The following LRMDA variants were observed in gnomAD, a reference collection of about 807,000 sequenced individuals.
LRMDA encodes leucine-rich melanocyte differentiation-associated protein.
Under a neutral mutation model 29.8 loss-of-function variants are expected in LRMDA, and 18 were observed. That is an observed-to-expected ratio of 0.60 (90% CI 0.42 to 0.90). LRMDA has a LOEUF of 0.90. LRMDA is among the 40% of genes least tolerant of loss of function. The pLI is 0.00. For missense variants in LRMDA, 273 were observed against 273.9 expected, an observed-to-expected ratio of 1.00 and a Z score of 0.02; for synonymous variants, 125 against 109.4, an observed-to-expected ratio of 1.14 and a Z score of -0.89.
At chr10:75,706,733 T>A (rs1842374016) in intron 2 of LRMDA, among the ~76,000 whole-genome samples, 1 of 70,364 alleles carries the variant, frequency 1.4e-5, no homozygotes, top group Non-Finnish European at 2.7e-5. Context: ...TTGGTACCAC[T>A]TTTTTTTTTT....
chr10:75,792,979 G>A (rs1385901396), intron 2 of LRMDA, among the ~76,000 whole-genome samples: 1 of 152,172 alleles, frequency 6.6e-6, no homozygotes, highest in Non-Finnish European at 1.5e-5. Context: ...TGGGTCTGGT[G>A]CAATAGCAAG....
At position 75,516,762 on chromosome 10, in the gene LRMDA, C is replaced by T. The variant is rs528969266; in HGVS notation, c.131+78268C>T. 1.0e-3 allele frequency among the ~76,000 whole-genome samples: 155 copies of T among 152,048 alleles called. 1 individual carries two copies. The South Asian group carries it at 0.026, about 25-fold the overall frequency. ...ACTATTGCTTTTGGTGTTTTAGTCACGAAGTCCTTGCCCATGCCTATGTCC... is the reference window on the plus strand; with the variant it reads ...ACTATTGCTTTTGGTGTTTTAGTCATGAAGTCCTTGCCCATGCCTATGTCC... On this transcript the variant is annotated intron_variant, in intron 2 of 6. Coordinates refer to ENST00000611255, the MANE Select transcript of LRMDA (RefSeq NM_001305581.2).
intron 5 of LRMDA, among the ~76,000 whole-genome samples, chr10:76,247,916 T>G (rs1852404893): frequency 6.6e-6 from 1 of 152,116 alleles, no homozygotes; most frequent in Non-Finnish European, 1.5e-5. Context: ...GGACCAACAG[T>G]GAAGGTACCT....
intron 2 of LRMDA, among the ~76,000 whole-genome samples, chr10:75,963,012 T>C (rs1357414250): frequency 1.3e-5 from 2 of 152,214 alleles, no homozygotes; most frequent in African/African-American, 4.8e-5. Context: ...GGGAATTAAT[T>C]CATTAGAGCC....
chr10:75,739,539 T>A (rs1842805096), intron 2 of LRMDA, among the ~76,000 whole-genome samples: 1 of 152,226 alleles, frequency 6.6e-6, no homozygotes, highest in Non-Finnish European at 1.5e-5. Flanking sequence ...ACAGCTGTTC[T>A]TGTTGGTCAG....
intron 2 of LRMDA, among the ~76,000 whole-genome samples, chr10:75,778,557 G>T (rs118147286): frequency 0.017 from 2,568 of 152,264 alleles, 36 homozygotes; most frequent in Middle Eastern, 0.034. Context: ...CAATGAGGAT[G>T]GGGGAGGCAC....
At chr10:76,495,005 T>A (rs903887199) in intron 6 of LRMDA, among the ~76,000 whole-genome samples, 1 of 151,882 alleles carries the variant, frequency 6.6e-6, no homozygotes, top group African/African-American at 2.4e-5. Context: ...TTTAAAAAAA[T>A]TTTCCTGAGC....
intron 6 of LRMDA, among the ~76,000 whole-genome samples, chr10:76,395,947 T>TTTTATTTTA (rs1841778620): frequency 6.6e-6 from 1 of 152,252 alleles, no homozygotes; most frequent in African/African-American, 2.4e-5. Context: ...TTTTGCTTTA[T>TTTTATTTTA]TTTATTTTAT....
intron 5 of LRMDA, among the ~76,000 whole-genome samples, chr10:76,143,499 A>C (rs1286135414): frequency 6.6e-6 from 1 of 152,018 alleles, no homozygotes; most frequent in Non-Finnish European, 1.5e-5. Context: ...TCTTTTGAGA[A>C]GTGTCTGTTC....
intron 1 of LRMDA, among the ~76,000 whole-genome samples, chr10:75,432,374 AG>A (rs549312269): frequency 7.6e-4 from 116 of 152,314 alleles, no homozygotes; most frequent in Admixed American, 2.6e-3. Flanking sequence ...TTTCTTGAAC[AG>A]GAGTCTGTGA....
chr10:76,111,000 A>C (rs1172246089), intron 5 of LRMDA, among the ~76,000 whole-genome samples: 1 of 151,782 alleles, frequency 6.6e-6, no homozygotes, highest in Non-Finnish European at 1.5e-5. Context: ...CTGAAGTGTC[A>C]TTCTCCATCC....
intron 6 of LRMDA, among the ~76,000 whole-genome samples, chr10:76,337,986 T>C (rs1840990029): frequency 6.6e-6 from 1 of 151,918 alleles, no homozygotes; most frequent in African/African-American, 2.4e-5. Context: ...CCTGATAGAT[T>C]ATTTTAACAC....
intron 2 of LRMDA, among the ~76,000 whole-genome samples, chr10:75,595,519 T>C (rs185546682): frequency 1.3e-5 from 2 of 150,376 alleles, no homozygotes; most frequent in African/African-American, 4.9e-5. Flanking sequence ...TGTATGTTTA[T>C]ATATTAGTAT....
At chr10:76,180,931 G>C (rs1290725209) in intron 5 of LRMDA, among the ~76,000 whole-genome samples, 1 of 152,138 alleles carries the variant, frequency 6.6e-6, no homozygotes, top group Non-Finnish European at 1.5e-5. Context: ...CAGTATATCA[G>C]GACACAAGGA....
chr10:75,479,248 CT>C (rs1167798819), intron 2 of LRMDA, among the ~76,000 whole-genome samples: 2 of 152,168 alleles, frequency 1.3e-5, no homozygotes, highest in Non-Finnish European at 2.9e-5. Flanking sequence ...TGGCTCACAC[CT>C]GTAATCCCAG....
At chr10:75,709,507 G>A (rs188927040) in intron 2 of LRMDA, among the ~76,000 whole-genome samples, 88 of 152,060 alleles carry the variant, frequency 5.8e-4, no homozygotes, top group African/African-American at 2.1e-3. Flanking sequence ...CCATTGAGGA[G>A]CCTTGTGCAT....
At chr10:75,914,212 GA>G (rs1391980757) in intron 2 of LRMDA, among the ~76,000 whole-genome samples, 1 of 152,194 alleles carries the variant, frequency 6.6e-6, no homozygotes, top group African/African-American at 2.4e-5. Flanking sequence ...AAAAAGGAGA[GA>G]AAATTGTAGC....
chr10:75,799,178 G>A (rs924551046), intron 2 of LRMDA, among the ~76,000 whole-genome samples: 1 of 152,164 alleles, frequency 6.6e-6, no homozygotes, highest in African/African-American at 2.4e-5. Flanking sequence ...AACCACAATT[G>A]TGGATTTATC....
chr10:75,902,257 G>T (rs539313614), intron 2 of LRMDA, among the ~76,000 whole-genome samples: 4 of 152,168 alleles, frequency 2.6e-5, no homozygotes, highest in African/African-American at 4.8e-5. Flanking sequence ...CATTGCAGGC[G>T]CTAGAAATGC....
Sources: allele counts gnomAD v4.1 joint callset (sites outside exome capture counted in the v4.1 genomes callset), GRCh38; gene constraint gnomAD v4.1.1; transcripts MANE v1.5; gene names NCBI Gene and HGNC (gene_info 2026-07-23, HGNC 2026-07-21).